Variants in TAAR2 observed in about 807,000 individuals in gnomAD.
TAAR2 encodes trace amine associated receptor 2.
A neutral mutation model predicts 25.5 loss-of-function variants in TAAR2; 30 were observed. That is an observed-to-expected ratio of 1.18 (90% CI 0.88 to 1.60). TAAR2 has a LOEUF of 1.60. Among genes scored for constraint, TAAR2 ranks in the 40% most tolerant of loss-of-function variants. The pLI is 0.00. For missense variants in TAAR2, 481 were observed against 416.5 expected (o/e 1.15, Z -1.35); for synonymous variants, 150 against 142.4 (o/e 1.05, Z -0.38).
chr6:132,624,104 A>T, intron 1 of TAAR2, 112 bp downstream of exon 1: 1 of 1,032,760 alleles, frequency 9.7e-7, no homozygotes, highest in Non-Finnish European at 1.5e-6. Context: ...CAACCCTTTT[A>T]GATCTGGAGG....
At chr6:132,623,610 C>G (rs988420064) in intron 1 of TAAR2, among the ~76,000 whole-genome samples, 1 of 150,972 alleles carries the variant, frequency 6.6e-6, no homozygotes, top group Non-Finnish European at 1.5e-5. Flanking sequence ...TCTCTAACTA[C>G]TGTTAATGTG....
At chr6:132,618,757 C>G (rs1777335831) in intron 1 of TAAR2, among the ~76,000 whole-genome samples, 1 of 152,156 alleles carries the variant, frequency 6.6e-6, no homozygotes, top group Admixed American at 6.6e-5. Context: ...AATTATTGAG[C>G]TGTATCTTAC....
chr6:132,623,142 G>T (rs1291993801), intron 1 of TAAR2, among the ~76,000 whole-genome samples: 3 of 151,962 alleles, frequency 2.0e-5, no homozygotes, highest in Non-Finnish European at 4.4e-5. Context: ...AAATGGGATT[G>T]TAAGGAAAAA....
rs576220065 is a variant in TAAR2 at position 132,618,558 on chromosome 6, G to A, written c.61-413C>T. On this transcript the variant is annotated intron_variant, in intron 1 of 1. Coordinates refer to ENST00000367931, the MANE Select transcript of TAAR2 (RefSeq NM_001033080.1). The stretch of plus-strand genomic sequence containing the variant: ...GGGAGGCTGAGGCAGCAGAATCGCT[G>A]GAACCCAGGAGGTGGAGGTTGCAGT... Among the ~76,000 whole-genome samples, 36 of 152,024 alleles carry A rather than the reference G, an allele frequency of 2.4e-4. 1 individual carries two copies. Among genetic ancestry groups the A allele is most frequent in the Non-Finnish European group, 4.9e-4 (33 of 67,944 alleles).
Position 132,617,582 on chromosome 6 carries a change from T to G in TAAR2, c.624A>C (p.Leu208=). 10 of 1,614,040 alleles carry G rather than the reference T, an allele frequency of 6.2e-6. No homozygotes were observed. The highest frequency in any genetic ancestry group is 7.6e-6 in the Non-Finnish European group (9 of 1,179,982). The change falls in exon 2 of 2, where the codon CTA becomes CTC. Residue 208 remains leucine, a synonymous_variant. Transcript: ENST00000367931. The stretch of plus-strand genomic sequence containing the variant: ...CTGCCATAAACAAGGTGGTCCCCCA[T>G]AGCTTGTTGAACATCACTGGGCAGG... The part of the protein sequence containing the change: ...SSSCPVMFNK[L]WGTTLFMAGF...
intron 1 of TAAR2, among the ~76,000 whole-genome samples, chr6:132,620,007 G>A (rs917436568): frequency 1.3e-4 from 20 of 152,298 alleles, no homozygotes; most frequent in African/African-American, 4.6e-4. Context: ...AGAGAAGAAA[G>A]TGCTTCTAGT....
intron 1 of TAAR2, among the ~76,000 whole-genome samples, chr6:132,622,422 A>G (rs1187094262): frequency 7.2e-6 from 1 of 138,498 alleles, no homozygotes. Context: ...CCTAGTCTTT[A>G]TATTTGATGA....
chr6:132,620,021 A>G (rs2114611265), intron 1 of TAAR2, among the ~76,000 whole-genome samples: 1 of 152,342 alleles, frequency 6.6e-6, no homozygotes. Flanking sequence ...TTCTAGTTTC[A>G]TTGTTGTTCC....
At chr6:132,620,613 C>G (rs992315477) in intron 1 of TAAR2, among the ~76,000 whole-genome samples, 3 of 152,088 alleles carry the variant, frequency 2.0e-5, no homozygotes, top group Admixed American at 2.0e-4. Flanking sequence ...CTGGGGTCTA[C>G]TTGGGGCCAG....
intron 1 of TAAR2, among the ~76,000 whole-genome samples, chr6:132,620,873 C>G (rs1035319893): frequency 1.3e-5 from 2 of 149,908 alleles, no homozygotes; most frequent in Non-Finnish European, 2.9e-5. Context: ...CTATTCCTAA[C>G]ATTGTCACAC....
chr6:132,620,654 A>G (rs2114611916), intron 1 of TAAR2, among the ~76,000 whole-genome samples: 1 of 152,236 alleles, frequency 6.6e-6, no homozygotes, highest in South Asian at 2.1e-4. Context: ...GAGGGAGAAG[A>G]GCAGAAAAGA....
intron 1 of TAAR2, among the ~76,000 whole-genome samples, chr6:132,619,687 C>A (rs1436128721): frequency 6.6e-6 from 1 of 152,182 alleles, no homozygotes; most frequent in East Asian, 1.9e-4. Context: ...TTCTGCACCT[C>A]AGATGAAAGC....
At position 132,618,051 on chromosome 6, in the gene TAAR2, C is replaced by T. The variant is rs1337753358; in HGVS notation, c.155G>A (p.Gly52Glu). ...VRVAMYSFMA[G>E]SIFITIFGNL... ...GCCAAATATTGTGATGAATATGGATCCTGCCATAAATGAATACATAGCCAC... is the reference window on the plus strand; with the variant it reads ...GCCAAATATTGTGATGAATATGGATTCTGCCATAAATGAATACATAGCCAC... Residue 52 changes from glycine (G) to glutamate (E), a missense_variant, in exon 2 of 2, where the codon GGA becomes GAA. Physicochemically the swap from Gly to Glu is moderately conservative, Grantham distance 98. Transcript: ENST00000367931. 1 of 1,613,960 alleles carries T rather than the reference C, an allele frequency of 6.2e-7. No individual in the cohort carries two copies.
chr6:132,620,915 G>A (rs35606556), intron 1 of TAAR2, among the ~76,000 whole-genome samples: 92,060 of 151,228 alleles, frequency 0.61, 28,791 homozygotes, highest in East Asian at 0.82. Context: ...AAAAAGAAGA[G>A]AAGCGAGAGA....
chr6:132,621,947 A>G (rs1354913275), intron 1 of TAAR2, among the ~76,000 whole-genome samples: 4 of 151,510 alleles, frequency 2.6e-5, no homozygotes, highest in Non-Finnish European at 5.9e-5. Flanking sequence ...CAAAAACCGT[A>G]TCTTTCATAT....
chr6:132,620,415 T>C (rs1038488780), intron 1 of TAAR2, among the ~76,000 whole-genome samples: 5 of 152,356 alleles, frequency 3.3e-5, no homozygotes, highest in African/African-American at 1.2e-4. Flanking sequence ...ACAGCTGACT[T>C]ATTCATGAAA....
chr6:132,617,306 C>G lies in TAAR2; in HGVS notation c.900G>C (p.Leu300Phe), dbSNP rs267600812. ...TGGAGTTAAAATAGCCAAACCATGT[C>G]AAGGCATCAAACAAAACTACAGGAG... ...FSTPVVLFDALTWFGYFNSTC... is the reference protein window; with the variant it reads ...FSTPVVLFDAFTWFGYFNSTC... The change falls in exon 2 of 2, where the codon TTG (leucine) becomes TTC (phenylalanine). Residue 300 changes from leucine (L) to phenylalanine (F), a missense_variant. Physicochemically the swap from Leu to Phe is conservative, Grantham distance 22. Transcript: ENST00000367931. 2 of 1,613,616 alleles carry G rather than the reference C, an allele frequency of 1.2e-6. No homozygotes were observed. The highest frequency in any genetic ancestry group is 2.2e-5 in the South Asian group (2 of 91,034).
At chr6:132,620,765 C>A (rs1777360574) in intron 1 of TAAR2, among the ~76,000 whole-genome samples, 1 of 151,620 alleles carries the variant, frequency 6.6e-6, no homozygotes, top group Admixed American at 6.6e-5. Context: ...CACATGTACC[C>A]CCTGAACCTA....
Position 132,618,048 on chromosome 6 carries a change from G to C in TAAR2, c.158C>G (p.Ser53Cys). The C allele has an allele frequency of 6.2e-7, 1 of 1,613,982 alleles. No individual in the cohort carries two copies. The highest frequency in any genetic ancestry group is 8.5e-7 in the Non-Finnish European group (1 of 1,179,958). ...ATTGCCAAATATTGTGATGAATATG[G>C]ATCCTGCCATAAATGAATACATAGC... ...RVAMYSFMAG[S>C]IFITIFGNLA... The change falls in exon 2 of 2, where the codon TCC becomes TGC. Residue 53 changes from serine to cysteine, a missense_variant. Coordinates refer to ENST00000367931, the MANE Select transcript of TAAR2 (RefSeq NM_001033080.1).
Sources: gnomAD v4.1 joint callset for allele counts (sites outside exome capture counted in the v4.1 genomes callset) on GRCh38, gnomAD v4.1.1 for gene constraint, MANE v1.5 for transcripts, NCBI Gene and HGNC (gene_info 2026-07-23, HGNC 2026-07-21) for gene names.